Variants in WRNIP1 observed in about 807,000 individuals in gnomAD.
WRNIP1 encodes WRN helicase interacting protein 1.
In WRNIP1, 41 loss-of-function variants were observed where a neutral mutation model predicts 56.1. That is an observed-to-expected ratio of 0.73 (90% CI 0.57 to 0.95). WRNIP1 has a LOEUF of 0.95. Ranked by LOEUF, WRNIP1 falls within the 40% of genes least tolerant of loss-of-function variation. The pLI, the probability that WRNIP1 is intolerant of heterozygous loss-of-function variation, is 0.00. For missense variants in WRNIP1, 1,170 were observed against 939.4 expected (o/e 1.25, Z -3.21); for synonymous variants, 547 against 398.1 (o/e 1.37, Z -4.45).
At chr6:2,775,416 G>C (rs1386522193) in intron 3 of WRNIP1, among the ~76,000 whole-genome samples, 1 of 152,196 alleles carries the variant, frequency 6.6e-6, no homozygotes, top group Non-Finnish European at 1.5e-5. Context: ...ATCCCTGGTT[G>C]AAACTTCTAC....
At position 2,765,684 on chromosome 6, in the gene WRNIP1, C is replaced by T; in HGVS notation, c.62C>T (p.Pro21Leu). The T allele has an allele frequency of 6.4e-7, 1 of 1,551,374 alleles. No homozygotes were observed. The highest frequency in any genetic ancestry group is 8.6e-7 in the Non-Finnish European group (1 of 1,156,934). The change falls in exon 1 of 7, where the codon CCC becomes CTC. Residue 21 changes from proline to leucine, a missense_variant. Pro to Leu is a moderately conservative substitution (Grantham distance 98, BLOSUM62 -3). Coordinates refer to ENST00000380773, the MANE Select transcript of WRNIP1 (RefSeq NM_020135.3). ...TCGCAGCTGCACCAGGTGCAGTGCCCCGTGTGCCAGCAGATGATGCCCGCC... is the reference window on the plus strand; with the variant it reads ...TCGCAGCTGCACCAGGTGCAGTGCCTCGTGTGCCAGCAGATGATGCCCGCC... Reference protein sequence around the residue: ...FLSQLHQVQCPVCQQMMPAAH... With the variant: ...FLSQLHQVQCLVCQQMMPAAH...
At chr6:2,772,220 A>AT (rs1340104999) in intron 3 of WRNIP1, among the ~76,000 whole-genome samples, 1 of 152,250 alleles carries the variant, frequency 6.6e-6, no homozygotes. Flanking sequence ...AAGTGAAATA[A>AT]TTAAGATTTA....
chr6:2,774,009 G>T, intron 3 of WRNIP1: 5 of 985,356 alleles, frequency 5.1e-6, no homozygotes, highest in Non-Finnish European at 6.0e-6. Context: ...GGTGGCTATG[G>T]ATTCTTCTTT....
intron 3 of WRNIP1, chr6:2,773,947 TTTCTC>T: frequency 1.0e-6 from 1 of 985,220 alleles, no homozygotes; most frequent in Non-Finnish European, 1.2e-6. Flanking sequence ...GTGTGGGGCT[TTTCTC>T]TAATCATCTG....
At chr6:2,773,106 C>G (rs947992149) in intron 3 of WRNIP1, 2 of 985,310 alleles carry the variant, frequency 2.0e-6, no homozygotes, top group African/African-American at 3.5e-5. Flanking sequence ...CTTGATTGCA[C>G]TTGAGGAATT....
In WRNIP1 at chr6:2,766,054, G is replaced by A; in HGVS notation, c.432G>A (p.Ala144=). The A allele has an allele frequency of 7.7e-7, 1 of 1,295,002 alleles. No individual in the cohort carries two copies. The highest frequency in any genetic ancestry group is 9.7e-7 in the Non-Finnish European group (1 of 1,026,008). The allele number at this position is 1,295,002 out of a possible 1,614,324, so 80.2% of individuals were successfully genotyped here. A position where few individuals can be genotyped will look rare whatever the true frequency, so the allele number is the denominator to read the frequency against. ...GGAAGGGGTCGGGGAAGAGGCCGGC[G>A]GCCGCCGCCGCGGCGGGGAGCGCGT... The part of the protein sequence containing the change: ...PGRKGSGKRP[A]AAAAAGSASP... Residue 144 remains alanine, a synonymous_variant, in exon 1 of 7, where the codon GCG becomes GCA. Coordinates refer to ENST00000380773, the MANE Select transcript of WRNIP1 (RefSeq NM_020135.3).
At chr6:2,781,854 G>T (rs1308058788) in intron 4 of WRNIP1, among the ~76,000 whole-genome samples, 2 of 152,164 alleles carry the variant, frequency 1.3e-5, no homozygotes, top group East Asian at 3.9e-4. Context: ...AAGTGGTCTC[G>T]TTTTTCCCAT....
rs1158051441 is a variant in WRNIP1 at position 2,785,217 on chromosome 6, G to A, written c.1933G>A (p.Val645Met). ...YKYNPMYSEP[V>M]DQEYLPEELR... ...GTACAACCCCATGTACAGCGAGCCTGTGGATCAGGAGTACCTGCCTGAAGA... is the reference window on the plus strand; with the variant it reads ...GTACAACCCCATGTACAGCGAGCCTATGGATCAGGAGTACCTGCCTGAAGA... The change falls in exon 7 of 7, where the codon GTG becomes ATG. Residue 645 changes from valine (V) to methionine (M), a missense_variant. Physicochemically the swap from Val to Met is conservative, Grantham distance 21. Transcript: ENST00000380773. The A allele has an allele frequency of 1.7e-5, 27 of 1,614,206 alleles. No individual in the cohort carries two copies. Among genetic ancestry groups the A allele is most frequent in the Non-Finnish European group, 2.2e-5 (26 of 1,180,038 alleles).
intron 3 of WRNIP1, among the ~76,000 whole-genome samples, chr6:2,778,170 A>G (rs1020175506): frequency 2.0e-5 from 3 of 152,126 alleles, no homozygotes; most frequent in Admixed American, 6.5e-5. Context: ...TCCCCTTCGG[A>G]AACTGCCACC....
chr6:2,766,418 C>G lies in WRNIP1; in HGVS notation c.796C>G (p.Leu266Val). The G allele has an allele frequency of 6.3e-7, 1 of 1,592,208 alleles. No individual in the cohort carries two copies. The highest frequency in any genetic ancestry group is 8.6e-7 in the Non-Finnish European group (1 of 1,166,694). Residue 266 changes from leucine (L) to valine (V), a missense_variant, in exon 1 of 7, where the codon CTG (leucine) becomes GTG (valine). Physicochemically the swap from Leu to Val is conservative, Grantham distance 32. Coordinates refer to ENST00000380773, the MANE Select transcript of WRNIP1 (RefSeq NM_020135.3). ...GACCAACGAAATCCCCTCGCTTATCCTGTGGGGGCCGCCGGGCTGCGGCAA... is the reference window on the plus strand; with the variant it reads ...GACCAACGAAATCCCCTCGCTTATCGTGTGGGGGCCGCCGGGCTGCGGCAA... ...LETNEIPSLI[L>V]WGPPGCGKTT...
chr6:2,770,687 T>C (rs1185631266), intron 3 of WRNIP1, among the ~76,000 whole-genome samples: 1 of 152,212 alleles, frequency 6.6e-6, no homozygotes, highest in African/African-American at 2.4e-5. Context: ...TTTGAAAGGC[T>C]TTATGTCCCT....
rs749138866 is a variant in WRNIP1, at chr6:2,768,686, T to C, written c.823-5T>C. 2 of 1,599,014 alleles carry C rather than the reference T, an allele frequency of 1.3e-6. No homozygotes were observed. The highest frequency in any genetic ancestry group is 4.5e-5 in the East Asian group (2 of 44,630). ...TTCAAACTCCATGTATGTCATCTTT[T>C]CTAGACCACTCTGGCTCACATCATA... is the stretch of plus-strand genomic sequence containing the variant. On this transcript the variant is annotated splice_region_variant and splice_polypyrimidine_tract_variant and intron_variant, in intron 1 of 6. Coordinates refer to ENST00000380773, the MANE Select transcript of WRNIP1 (RefSeq NM_020135.3).
chr6:2,766,091 T>C lies in WRNIP1; in HGVS notation c.469T>C (p.Trp157Arg). 1.5e-6 allele frequency: 2 copies of C among 1,313,438 alleles called. No homozygotes were observed. The highest frequency in any genetic ancestry group is 2.2e-5 in the South Asian group (1 of 44,876). 81.4% of individuals were successfully genotyped at this position (1,313,438 alleles called of 1,614,324 possible). Residue 157 changes from tryptophan to arginine, a missense_variant, in exon 1 of 7, where the codon TGG becomes CGG. Physicochemically the swap from Trp to Arg is moderately radical, Grantham distance 101 (BLOSUM62 -3). Coordinates refer to ENST00000380773, the MANE Select transcript of WRNIP1 (RefSeq NM_020135.3). ...AAAGSASPRS[W>R]DEAEAQEEEE... ...GGCGGGGAGCGCGTCTCCGCGCAGC[T>C]GGGACGAGGCGGAGGCGCAGGAGGA...
At chr6:2,783,584 G>C in intron 5 of WRNIP1, 23 bp downstream of exon 5, 1 of 1,487,820 alleles carries the variant, frequency 6.7e-7, no homozygotes, top group African/African-American at 1.5e-5. Context: ...GGAGGGTCCC[G>C]GAGTCCTATG....
chr6:2,769,047 T>C (rs1044756281), intron 2 of WRNIP1, among the ~76,000 whole-genome samples, 165 bp downstream of exon 2: 1 of 152,192 alleles, frequency 6.6e-6, no homozygotes, highest in African/African-American at 2.4e-5. Context: ...TTTCTTAGTG[T>C]TTTTTGATAA....
At chr6:2,784,657 C>T (rs1364310247) in intron 6 of WRNIP1, among the ~76,000 whole-genome samples, 1 of 152,098 alleles carries the variant, frequency 6.6e-6, no homozygotes, top group Non-Finnish European at 1.5e-5. Context: ...TTCCAGGGAG[C>T]AGAAAGGTTA....
chr6:2,778,083 T>A (rs1765473870), intron 3 of WRNIP1, among the ~76,000 whole-genome samples: 1 of 152,196 alleles, frequency 6.6e-6, no homozygotes, highest in Non-Finnish European at 1.5e-5. Flanking sequence ...GTTATTTGGG[T>A]TACTCAGTGA....
chr6:2,768,729 A>G lies in WRNIP1; in HGVS notation c.861A>G (p.Lys287=). 6.2e-7 allele frequency: 1 copy of G among 1,613,096 alleles called. No individual in the cohort carries two copies. Among genetic ancestry groups the G allele is most frequent in the Non-Finnish European group, 8.5e-7 (1 of 1,179,408 alleles). ...LAHIIASNSK[K]HSIRFVTLSA... ...ACATCATAGCCAGCAACAGCAAGAA[A>G]CATAGCATAAGGTTTGTGACATTAT... The change falls in exon 2 of 7, where the codon AAA becomes AAG. Residue 287 remains lysine (K), a synonymous_variant. Coordinates refer to ENST00000380773, the MANE Select transcript of WRNIP1 (RefSeq NM_020135.3).
chr6:2,783,456 T>C lies in WRNIP1; in HGVS notation c.1537T>C (p.Ser513Pro), dbSNP rs1168648752. 1 of 1,613,594 alleles carries C rather than the reference T, an allele frequency of 6.2e-7. No individual in the cohort carries two copies. The highest frequency in any genetic ancestry group is 8.5e-7 in the Non-Finnish European group (1 of 1,179,852). The change falls in exon 5 of 7, where the codon TCA becomes CCA. Residue 513 changes from serine to proline, a missense_variant. Transcript: ENST00000380773. ...CGCCCTGCACAAGTCCATGCGGGGC[T>C]CAGACCAGAACGCCTCCCTCTACTG... is the stretch of plus-strand genomic sequence containing the variant. ...ISALHKSMRG[S>P]DQNASLYWLA...
Sources: gnomAD v4.1 joint callset for allele counts (sites outside exome capture counted in the v4.1 genomes callset) on GRCh38, gnomAD v4.1.1 for gene constraint, MANE v1.5 for transcripts, NCBI Gene and HGNC (gene_info 2026-07-23, HGNC 2026-07-21) for gene names.